The following ACOT11 variants were observed in gnomAD, a reference collection of about 807,000 sequenced individuals.
ACOT11 encodes acyl-coenzyme A thioesterase 11.
Under a neutral mutation model 77.5 loss-of-function variants are expected in ACOT11, and 69 were observed. That is an observed-to-expected ratio of 0.89 (90% CI 0.73 to 1.09). ACOT11 has a LOEUF of 1.09. Among genes scored for constraint, ACOT11 ranks in the 50% least tolerant of loss-of-function variants. The probability of loss-of-function intolerance (pLI) is 0.00; values close to 1 mark genes in which losing one functional copy is unlikely to be tolerated. For synonymous variants in ACOT11, 279 were observed against 313.0 expected, an observed-to-expected ratio of 0.89 and a Z score of 1.15; for missense variants, 766 against 813.7, an observed-to-expected ratio of 0.94 and a Z score of 0.71.
intron 10 of ACOT11, among the ~76,000 whole-genome samples, chr1:54,603,274 G>A (rs1338346782): frequency 2.6e-5 from 4 of 152,192 alleles, no homozygotes; most frequent in South Asian, 4.1e-4. Context: ...CGCTTGAACC[G>A]GGAGTTGCAG....
At chr1:54,612,880 G>C (rs1486926723), downstream of ACOT11, among the ~76,000 whole-genome samples, 1 of 152,146 alleles carries the variant, frequency 6.6e-6, no homozygotes, top group Non-Finnish European at 1.5e-5. Flanking sequence ...TAAATTGGGC[G>C]TGGACTTTGG....
chr1:54,590,326 T>C (rs1654662690), intron 3 of ACOT11, among the ~76,000 whole-genome samples: 1 of 151,598 alleles, frequency 6.6e-6, no homozygotes, highest in South Asian at 2.1e-4. Context: ...TCAGATTTGT[T>C]CATGGGGGGT....
intron 3 of ACOT11, among the ~76,000 whole-genome samples, chr1:54,587,734 G>A (rs1343980922): frequency 1.3e-5 from 2 of 150,278 alleles, no homozygotes; most frequent in Non-Finnish European, 3.0e-5. Flanking sequence ...GCTAATTTTT[G>A]TATTTTTAGT....
exon 17 of ACOT11, chr1:54,638,345 C>T (rs1194970066): frequency 6.6e-6 from 1 of 152,144 alleles, no homozygotes; most frequent in Non-Finnish European, 1.5e-5. Flanking sequence ...GCAAACAAAA[C>T]TAAAGGAGTT....
At chr1:54,565,493 C>T (rs1653703390) in intron 1 of ACOT11, among the ~76,000 whole-genome samples, 1 of 152,194 alleles carries the variant, frequency 6.6e-6, no homozygotes, top group Non-Finnish European at 1.5e-5. Flanking sequence ...GACCCAGGTC[C>T]AGTCTCCCCT....
Position 54,609,257 on chromosome 1 carries a change from C to T in ACOT11, c.*145C>T, listed in dbSNP as rs1428073419. The T allele has an allele frequency of 6.3e-7, 1 of 1,599,648 alleles. No homozygotes were observed. The highest frequency in any genetic ancestry group is 1.7e-5 in the Admixed American group (1 of 59,356). On this transcript the variant is annotated 3_prime_UTR_variant, in exon 16 of 16. Transcript: ENST00000343744. ...CGCCCTGAGGTCCGCTGGCCCACCACCCCTGGGTGCTCAGTTTCTACCAAC... is the reference window on the plus strand; with the variant it reads ...CGCCCTGAGGTCCGCTGGCCCACCATCCCTGGGTGCTCAGTTTCTACCAAC...
In ACOT11 at chr1:54,615,975, G is replaced by A. The variant is rs965838626; in HGVS notation, c.1629+7907G>A. The A allele has an allele frequency of 1.4e-5, 22 of 1,597,360 alleles. No individual in the cohort carries two copies. In the African/African-American group the frequency reaches 2.1e-4, roughly 16 times the overall value. On this transcript the variant is annotated intron_variant, in intron 15 of 16. Transcript: ENST00000371316. ...GGATCTCTGCACATGCTGCCCCAGG[G>A]CCAGAGGGCTGGGGGCCGGAGAGGG... is the stretch of plus-strand genomic sequence containing the variant.
chr1:54,604,051 G>A lies in ACOT11; in HGVS notation c.1152+114G>A, dbSNP rs116446296. 1.4e-3 allele frequency: 1,332 copies of A among 966,222 alleles called. 12 individuals are homozygous for A. The African/African-American group carries it at 0.018, about 13-fold the overall frequency. The allele number at this position is 966,222 out of a possible 1,614,324, so 59.9% of individuals were successfully genotyped here. A position where few individuals can be genotyped will look rare whatever the true frequency, so the allele number is the denominator to read the frequency against. ...GGGGAGAGCAGGATATGAATGACACGCCTCATGATTGCTACCATTAGCAAA... is the reference window on the plus strand; with the variant it reads ...GGGGAGAGCAGGATATGAATGACACACCTCATGATTGCTACCATTAGCAAA... On this transcript the variant is annotated intron_variant, in intron 11 of 15. Coordinates refer to ENST00000343744, the MANE Select transcript of ACOT11 (RefSeq NM_147161.4).
At chr1:54,604,025 C>G in intron 11 of ACOT11, 88 bp downstream of exon 11, 4 of 1,251,592 alleles carry the variant, frequency 3.2e-6, no homozygotes, top group Non-Finnish European at 4.7e-6. Flanking sequence ...GGAGGAAGGC[C>G]GGGGAGAGCA....
intron 1 of ACOT11, among the ~76,000 whole-genome samples, chr1:54,576,652 C>A (rs473806): frequency 0.12 from 18,132 of 151,808 alleles, 2,591 homozygotes; most frequent in African/African-American, 0.35. Context: ...AGAAAGTGGG[C>A]TATAGGGCAA....
Position 54,607,014 on chromosome 1 carries a change from G to A in ACOT11, c.1371-120G>A. On this transcript the variant is annotated intron_variant, in intron 13 of 15. Transcript: ENST00000343744. The surrounding 1 kb of genome is among the most constrained non-coding windows in gnomAD (Gnocchi z 4.5). ...GCTGGCCCTTGCTGAGCAGTACAGG[G>A]GGTGACATCCCATCACAGAAGCTGC... 5 of 1,407,218 alleles carry A rather than the reference G, an allele frequency of 3.6e-6. No homozygotes were observed. Among genetic ancestry groups the A allele is most frequent in the Non-Finnish European group, 4.8e-6 (5 of 1,034,066 alleles). The allele number at this position is 1,407,218 out of a possible 1,614,324, so 87.2% of individuals were successfully genotyped here.
chr1:54,587,550 CTTTTTTTTTTTTTTT>C (rs33913350), intron 3 of ACOT11, among the ~76,000 whole-genome samples: 2 of 73,542 alleles, frequency 2.7e-5, no homozygotes, highest in African/African-American at 5.9e-5. Context: ...GTTTGTAATC[CTTTTTTTTTTTTTTT>C]TTTTTTTTTT....
chr1:54,555,850 T>A (rs1653240378), intron 1 of ACOT11, among the ~76,000 whole-genome samples: 1 of 152,194 alleles, frequency 6.6e-6, no homozygotes, highest in Non-Finnish European at 1.5e-5. Context: ...GTTCAAGTGA[T>A]TCTCCTGCTG....
intron 8 of ACOT11, 101 bp from the exon 9 acceptor site, chr1:54,601,168 G>T (rs962041760): frequency 5.7e-6 from 8 of 1,397,902 alleles, no homozygotes; most frequent in Non-Finnish European, 7.8e-6. Context: ...CATGTGTGTG[G>T]GCGCATGTGT....
intron 1 of ACOT11, among the ~76,000 whole-genome samples, chr1:54,548,919 G>T (rs1476280934): frequency 6.6e-6 from 1 of 152,184 alleles, no homozygotes; most frequent in East Asian, 1.9e-4. Flanking sequence ...GAGATTAGTT[G>T]CTGAGGCACA....
intron 15 of ACOT11, among the ~76,000 whole-genome samples, chr1:54,618,827 T>C (rs1006713874): frequency 6.6e-6 from 1 of 152,168 alleles, no homozygotes; most frequent in Non-Finnish European, 1.5e-5. Flanking sequence ...TGTGTGATCT[T>C]GGGAAGGTTA....
At chr1:54,564,773 C>T (rs577896693) in intron 1 of ACOT11, among the ~76,000 whole-genome samples, 110 of 152,308 alleles carry the variant, frequency 7.2e-4, no homozygotes, top group African/African-American at 2.5e-3. Context: ...CCAGCCTCAG[C>T]TTCCTCATTC....
At chr1:54,625,754 A>G (rs1173664151) in intron 15 of ACOT11, among the ~76,000 whole-genome samples, 1 of 151,578 alleles carries the variant, frequency 6.6e-6, no homozygotes, top group African/African-American at 2.4e-5. Flanking sequence ...CCTGACCAAC[A>G]TGGAGAAACC....
In ACOT11 at chr1:54,602,601, T is replaced by C. The variant is rs1643977220; in HGVS notation, c.1030-68T>C. On this transcript the variant is annotated intron_variant, in intron 9 of 15. Coordinates refer to ENST00000343744, the MANE Select transcript of ACOT11 (RefSeq NM_147161.4). Reference sequence around the variant, plus strand: ...AGGGCTGCAGGAACTCCTTGGGCCCTGGGGGATGGAGAGGGGGCAGGACGG... The same window carrying C: ...AGGGCTGCAGGAACTCCTTGGGCCCCGGGGGATGGAGAGGGGGCAGGACGG... 9.4e-6 allele frequency: 13 copies of C among 1,376,242 alleles called. No individual in the cohort carries two copies. In the South Asian group the frequency reaches 2.0e-4, roughly 21 times the overall value. The allele number at this position is 1,376,242 out of a possible 1,614,324, so 85.3% of individuals were successfully genotyped here. A position where few individuals can be genotyped will look rare whatever the true frequency, so the allele number is the denominator to read the frequency against.
Sources: gnomAD v4.1 joint callset for allele counts (sites outside exome capture counted in the v4.1 genomes callset) on GRCh38, gnomAD v4.1.1 for gene constraint, Gnocchi (gnomAD v3.1) non-coding constraint, MANE v1.5 for transcripts, NCBI Gene and HGNC (gene_info 2026-07-23, HGNC 2026-07-21) for gene names.